PCDHGB7: variants seen among roughly 807,000 people sequenced by gnomAD.
PCDHGB7 encodes the protein protocadherin gamma-B7.
A neutral mutation model predicts 61.4 loss-of-function variants in PCDHGB7; 37 were observed. That is an observed-to-expected ratio of 0.60 (90% CI 0.46 to 0.79). PCDHGB7 has a LOEUF of 0.79. PCDHGB7 is among the 30% of genes least tolerant of loss of function. The pLI is 0.00. For missense variants in PCDHGB7, 1,166 were observed against 1,202.5 expected (o/e 0.97, Z 0.45); for synonymous variants, 464 against 503.5 (o/e 0.92, Z 1.05).
rs776543767 is a variant in PCDHGB7 at position 141,432,028 on chromosome 5, C to G, written c.2415+11754C>G. The G allele has an allele frequency of 6.2e-7, 1 of 1,614,168 alleles. No homozygotes were observed. The highest frequency in any genetic ancestry group is 2.2e-5 in the East Asian group (1 of 44,882). On this transcript the variant is annotated intron_variant, in intron 1 of 3. Transcript: ENST00000398594. This position sits in a 1 kb window ranked among gnomAD's most constrained non-coding sequence, Gnocchi z 6.0. ...TTCCTAGCTACAACATCACAGTGAC[C>G]GCCACTGACCGGGGAACCCCGCCCC...
intron 2 of PCDHGB7, among the ~76,000 whole-genome samples, chr5:141,499,983 C>T (rs765029745): frequency 5.3e-5 from 8 of 151,352 alleles, no homozygotes; most frequent in African/African-American, 9.7e-5. Context: ...CCACCTTGCC[C>T]GGCCAGATGA....
At chr5:141,430,425 A>G (rs1298131518) in intron 1 of PCDHGB7, among the ~76,000 whole-genome samples, 3 of 152,076 alleles carry the variant, frequency 2.0e-5, no homozygotes, top group Non-Finnish European at 4.4e-5. Context: ...TAAAGCGAAT[A>G]CGGTAGATTT....
chr5:141,429,426 G>C (rs992784469), intron 1 of PCDHGB7, among the ~76,000 whole-genome samples: 3 of 151,724 alleles, frequency 2.0e-5, no homozygotes, highest in African/African-American at 4.8e-5. Context: ...TGTTGCCCAG[G>C]CTGGACTCAA....
At chr5:141,470,734 G>C (rs970003510) in intron 1 of PCDHGB7, among the ~76,000 whole-genome samples, 1 of 152,128 alleles carries the variant, frequency 6.6e-6, no homozygotes, top group South Asian at 2.1e-4. Context: ...GTCTTGCTCT[G>C]TCGCCCTGGC....
rs2096198021 is a variant in PCDHGB7, at chr5:141,417,954, C to A, written c.95C>A (p.Pro32Gln). The A allele has an allele frequency of 1.9e-6, 3 of 1,613,600 alleles. No individual in the cohort carries two copies. Among genetic ancestry groups the A allele is most frequent in the South Asian group, 1.1e-5 (1 of 91,062 alleles). Residue 32 changes from proline (P) to glutamine (Q), a missense_variant, in exon 1 of 4, where the codon CCG becomes CAG. Physicochemically the swap from Pro to Gln is moderately conservative, Grantham distance 76. Transcript: ENST00000398594. ...TTGTTCTACCCCACGCTGTGTGAGC[C>A]GATCCGCTACTCGATTCCGGAGGAG... ...LPLFYPTLCEPIRYSIPEELA... is the reference protein window; with the variant it reads ...LPLFYPTLCEQIRYSIPEELA...
Position 141,432,427 on chromosome 5 carries a change from C to T in PCDHGB7, c.2415+12153C>T, listed in dbSNP as rs775150918. 2.2e-5 allele frequency: 36 copies of T among 1,614,124 alleles called. No homozygotes were observed. The highest frequency in any genetic ancestry group is 3.1e-5 in the Non-Finnish European group (36 of 1,180,044). ...TGAGCCTGTTCGTGCTGGACCAGAA[C>T]GACAATGCGCCCGAGATCCTGTACC... On this transcript the variant is annotated intron_variant, in intron 1 of 3. Transcript: ENST00000398594. This position sits in a 1 kb window ranked among gnomAD's most constrained non-coding sequence, Gnocchi z 6.0.
chr5:141,426,882 C>T, intron 1 of PCDHGB7: 1 of 456,664 alleles, frequency 2.2e-6, no homozygotes, highest in South Asian at 1.5e-5. Flanking sequence ...GCCCCTGGGC[C>T]AGGAGCAACA....
At position 141,505,489 on chromosome 5, in the gene PCDHGB7, G is replaced by A. The variant is rs759637750; in HGVS notation, c.2563+8G>A. On this transcript the variant is annotated splice_region_variant and intron_variant, in intron 3 of 3. Coordinates refer to ENST00000398594, the MANE Select transcript of PCDHGB7 (RefSeq NM_018927.4). ...TCTTGGCGTCCGCCAGTGGTAAGTG[G>A]TGTCAGTGTGTGTATGGAAGAGTGG... The A allele has an allele frequency of 6.2e-7, 1 of 1,614,218 alleles. No homozygotes were observed. The highest frequency in any genetic ancestry group is 1.7e-5 in the Admixed American group (1 of 60,032).
intron 1 of PCDHGB7, among the ~76,000 whole-genome samples, chr5:141,482,458 C>G (rs986628162): frequency 1.4e-5 from 2 of 147,624 alleles, no homozygotes; most frequent in African/African-American, 2.6e-5. Flanking sequence ...ATTAGCATCC[C>G]TATGTGCCAG....
Position 141,485,967 on chromosome 5 carries a change from A to G in PCDHGB7, c.2416-8840A>G, listed in dbSNP as rs751904053. 2.5e-6 allele frequency: 4 copies of G among 1,614,194 alleles called. No individual in the cohort carries two copies. The South Asian group carries it at 4.4e-5, about 18-fold the overall frequency. On this transcript the variant is annotated intron_variant, in intron 1 of 3. Transcript: ENST00000398594. This position sits in a 1 kb window ranked among gnomAD's most constrained non-coding sequence, Gnocchi z 5.7. The stretch of plus-strand genomic sequence containing the variant: ...GCGGGCATGGTGCTCATCCAGCTCA[A>G]TGCCTCAGACCCGGACCTGGGTCCC...
At chr5:141,438,649 CACATATATGTAT>C (rs1346265042) in intron 1 of PCDHGB7, among the ~76,000 whole-genome samples, 20 of 100,970 alleles carry the variant, frequency 2.0e-4, no homozygotes, top group Admixed American at 2.1e-4. Flanking sequence ...CACACACACA[CACATATATGTAT>C]ATATATATTT....
chr5:141,418,127 A>T lies in PCDHGB7; in HGVS notation c.268A>T (p.Ile90Leu). Residue 90 changes from isoleucine (I) to leucine (L), a missense_variant, in exon 1 of 4, where the codon ATA (isoleucine) becomes TTA (leucine). Ile to Leu is a conservative substitution (Grantham distance 5). Coordinates refer to ENST00000398594, the MANE Select transcript of PCDHGB7 (RefSeq NM_018927.4). ...CGGGGACTTACTTGTGAAGGACCGAATAGACCGTGAGCAAATATGCAAAGA... is the reference window on the plus strand; with the variant it reads ...CGGGGACTTACTTGTGAAGGACCGATTAGACCGTGAGCAAATATGCAAAGA... ...QSGDLLVKDR[I>L]DREQICKERR... The T allele has an allele frequency of 6.2e-7, 1 of 1,614,104 alleles. No homozygotes were observed. Among genetic ancestry groups the T allele is most frequent in the Non-Finnish European group, 8.5e-7 (1 of 1,179,904 alleles).
chr5:141,485,821 T>C lies in PCDHGB7; in HGVS notation c.2416-8986T>C, dbSNP rs765768266. 4 of 1,614,134 alleles carry C rather than the reference T, an allele frequency of 2.5e-6. No homozygotes were observed. Among genetic ancestry groups the C allele is most frequent in the Admixed American group, 1.7e-5 (1 of 60,014 alleles). ...ACCGCCTGGTGCTGACTGCTGTCGATGGAGGGAACCCGCCGAGATCTGGCA... is the reference window on the plus strand; with the variant it reads ...ACCGCCTGGTGCTGACTGCTGTCGACGGAGGGAACCCGCCGAGATCTGGCA... On this transcript the variant is annotated intron_variant, in intron 1 of 3. Coordinates refer to ENST00000398594, the MANE Select transcript of PCDHGB7 (RefSeq NM_018927.4). This position sits in a 1 kb window ranked among gnomAD's most constrained non-coding sequence, Gnocchi z 5.7.
Position 141,427,885 on chromosome 5 carries a change from ACCAGGGCTCGC to A in PCDHGB7, c.2415+7614_2415+7624del, listed in dbSNP as rs772694818. 4 of 1,565,134 alleles carry A rather than the reference ACCAGGGCTCGC, an allele frequency of 2.6e-6. No homozygotes were observed. In the East Asian group the frequency reaches 6.7e-5, roughly 26 times the overall value. ...TTCGAGCTCACGATGCAGGCCCACGACCAGGGCTCGCCCGCGCTCAGCGCCAACATGAGCCG... is the reference window on the plus strand; with the variant it reads ...TTCGAGCTCACGATGCAGGCCCACGACCGCGCTCAGCGCCAACATGAGCCG... On this transcript the variant is annotated intron_variant, in intron 1 of 3. Coordinates refer to ENST00000398594, the MANE Select transcript of PCDHGB7 (RefSeq NM_018927.4).
rs374663576 is a variant in PCDHGB7 at position 141,489,905 on chromosome 5, G to A, written c.2416-4902G>A. The A allele has an allele frequency of 2.8e-4, 459 of 1,614,108 alleles. No homozygotes were observed. Among genetic ancestry groups the A allele is most frequent in the Non-Finnish European group, 3.4e-4 (405 of 1,180,054 alleles). On this transcript the variant is annotated intron_variant, in intron 1 of 3. Coordinates refer to ENST00000398594, the MANE Select transcript of PCDHGB7 (RefSeq NM_018927.4). The surrounding 1 kb of genome is among the most constrained non-coding windows in gnomAD (Gnocchi z 4.5). ...GCTGTGGATGGGGGGACCCCAGCCC[G>A]CTCAGGGACCACCCTTATCTCTGTC...
intron 1 of PCDHGB7, chr5:141,428,211 C>T (rs777952475): frequency 2.2e-5 from 28 of 1,284,198 alleles, no homozygotes; most frequent in South Asian, 4.9e-5. Flanking sequence ...CTACGCTTCA[C>T]CTAGTCTTCG....
At position 141,491,681 on chromosome 5, in the gene PCDHGB7, C is replaced by T; in HGVS notation, c.2416-3126C>T. 6.2e-6 allele frequency: 10 copies of T among 1,613,458 alleles called. No homozygotes were observed. Among genetic ancestry groups the T allele is most frequent in the Non-Finnish European group, 8.5e-6 (10 of 1,179,804 alleles). On this transcript the variant is annotated intron_variant, in intron 1 of 3. Transcript: ENST00000398594. The surrounding 1 kb of genome is among the most constrained non-coding windows in gnomAD (Gnocchi z 6.9). ...GACGCCATCCGGTCCCGCTCTAATA[C>T]GCTGCGGGAGCGGAGCCAGGTGAGG...
At chr5:141,453,871 A>T (rs561367146) in intron 1 of PCDHGB7, among the ~76,000 whole-genome samples, 8 of 152,364 alleles carry the variant, frequency 5.3e-5, no homozygotes, top group African/African-American at 1.9e-4. Flanking sequence ...ACAGATGAGC[A>T]AAATAATGTG....
intron 1 of PCDHGB7, among the ~76,000 whole-genome samples, chr5:141,447,983 G>A (rs1311439824): frequency 6.6e-6 from 1 of 151,972 alleles, no homozygotes; most frequent in Non-Finnish European, 1.5e-5. Context: ...CTACTCGGGA[G>A]GCTGAGGCAT....
Sources: allele counts gnomAD v4.1 joint callset (sites outside exome capture counted in the v4.1 genomes callset), GRCh38; gene constraint gnomAD v4.1.1; non-coding constraint Gnocchi (gnomAD v3.1); transcripts MANE v1.5; gene names NCBI Gene and HGNC (gene_info 2026-07-23, HGNC 2026-07-21).